CTNNA3: variants seen among roughly 807,000 people sequenced by gnomAD.
The protein encoded by CTNNA3 is catenin alpha 3.
CTNNA3 carries 76 observed loss-of-function variants against 95.7 expected under a neutral mutation model. That is an observed-to-expected ratio of 0.79 (90% CI 0.66 to 0.96). The LOEUF is 0.96. Among genes scored for constraint, CTNNA3 ranks in the 40% least tolerant of loss-of-function variants. CTNNA3 has a pLI of 0.00. For missense variants in CTNNA3, 1,191 were observed against 1,089.8 expected, an observed-to-expected ratio of 1.09 and a Z score of -1.31; for synonymous variants, 431 against 374.4, an observed-to-expected ratio of 1.15 and a Z score of -1.74.
chr10:66,077,143 G>C (rs910561704), intron 14 of CTNNA3, among the ~76,000 whole-genome samples: 8 of 151,670 alleles, frequency 5.3e-5, no homozygotes, highest in Non-Finnish European at 5.9e-5. Context: ...GGATATTCCT[G>C]CTGAAATATT....
chr10:67,315,488 T>C (rs1292841482), intron 5 of CTNNA3, among the ~76,000 whole-genome samples: 2 of 152,152 alleles, frequency 1.3e-5, no homozygotes, highest in Non-Finnish European at 2.9e-5. Context: ...ACTAAACTGA[T>C]AGGCCATCTC....
intron 10 of CTNNA3, among the ~76,000 whole-genome samples, chr10:66,591,870 T>G (rs1589462554): frequency 6.6e-6 from 1 of 152,220 alleles, no homozygotes; most frequent in East Asian, 1.9e-4. Flanking sequence ...ATCTGAACAC[T>G]ATATTTCTTT....
At chr10:66,362,861 A>G (rs2092686558) in intron 12 of CTNNA3, among the ~76,000 whole-genome samples, 1 of 152,310 alleles carries the variant, frequency 6.6e-6, no homozygotes, top group African/African-American at 2.4e-5. Flanking sequence ...TTTGCTTTTC[A>G]CATTTAATTA....
intron 15 of CTNNA3, among the ~76,000 whole-genome samples, chr10:66,040,817 A>C (rs1201132058): frequency 6.6e-6 from 1 of 152,162 alleles, no homozygotes; most frequent in African/African-American, 2.4e-5. Flanking sequence ...TGTACAACAA[A>C]TCTCCATGAC....
intron 5 of CTNNA3, among the ~76,000 whole-genome samples, chr10:67,393,721 A>G (rs1431262125): frequency 2.0e-5 from 3 of 152,188 alleles, no homozygotes; most frequent in Non-Finnish European, 4.4e-5. Context: ...CAGCCAAATT[A>G]GGGCCTTCAA....
intron 10 of CTNNA3, among the ~76,000 whole-genome samples, chr10:66,524,822 G>A (rs1021039164): frequency 2.6e-5 from 4 of 152,150 alleles, no homozygotes; most frequent in African/African-American, 4.8e-5. Context: ...GGCTAAGGCA[G>A]GCGGATCTCC....
At chr10:66,196,138 T>G (rs958146269) in intron 13 of CTNNA3, among the ~76,000 whole-genome samples, 3 of 152,146 alleles carry the variant, frequency 2.0e-5, no homozygotes, top group Non-Finnish European at 4.4e-5. Flanking sequence ...TGGAAAGATA[T>G]ACAGAGTGTA....
chr10:66,549,170 T>A (rs1465003012), intron 10 of CTNNA3, among the ~76,000 whole-genome samples: 1 of 151,662 alleles, frequency 6.6e-6, no homozygotes, highest in Non-Finnish European at 1.5e-5. Flanking sequence ...ATTTTTTGTA[T>A]TTTTTAGTAG....
rs1024440159 is a variant in CTNNA3 at position 66,143,954 on chromosome 10, TAA to T, written c.1885-40707_1885-40706del. Among the ~76,000 whole-genome samples, 8 of 152,258 alleles carry T rather than the reference TAA, an allele frequency of 5.3e-5. No individual in the cohort carries two copies. The South Asian group carries it at 1.7e-3, about 31-fold the overall frequency. Reference sequence around the variant, plus strand: ...GGCTGCTTTATTAATAACTCAATTATAAGTTTAAAATATGTCATAGTATAATC... The same window carrying T: ...GGCTGCTTTATTAATAACTCAATTATGTTTAAAATATGTCATAGTATAATC... On this transcript the variant is annotated intron_variant, in intron 13 of 17. Coordinates refer to ENST00000433211, the MANE Select transcript of CTNNA3 (RefSeq NM_013266.4).
intron 10 of CTNNA3, among the ~76,000 whole-genome samples, chr10:66,571,626 C>T (rs144821763): frequency 2.0e-4 from 31 of 152,238 alleles, no homozygotes; most frequent in African/African-American, 7.2e-4. Flanking sequence ...ATACATATGG[C>T]AGACTAATGA....
At chr10:66,913,348 AAGG>A (rs1344526684) in intron 7 of CTNNA3, among the ~76,000 whole-genome samples, 1 of 152,002 alleles carries the variant, frequency 6.6e-6, no homozygotes, top group Non-Finnish European at 1.5e-5. Flanking sequence ...ATGGATAACA[AAGG>A]AGGACAGCAT....
At chr10:65,960,920 T>C (rs548281993) in intron 17 of CTNNA3, among the ~76,000 whole-genome samples, 3 of 152,358 alleles carry the variant, frequency 2.0e-5, no homozygotes, top group South Asian at 2.1e-4. Flanking sequence ...TTAATAAATG[T>C]GATTATATCT....
chr10:66,834,669 T>C (rs1281962420), intron 7 of CTNNA3, among the ~76,000 whole-genome samples: 1 of 152,236 alleles, frequency 6.6e-6, no homozygotes, highest in Admixed American at 6.5e-5. Flanking sequence ...ATTCAAATGC[T>C]GCATTCTAAG....
At chr10:66,098,632 G>T (rs1385906966) in intron 14 of CTNNA3, 4 of 152,064 alleles carry the variant, frequency 2.6e-5, no homozygotes, top group African/African-American at 9.7e-5. Context: ...CTTTTAAAAG[G>T]TGTATTTTCA....
chr10:67,400,350 T>A (rs1452559436), intron 5 of CTNNA3, among the ~76,000 whole-genome samples: 1 of 152,252 alleles, frequency 6.6e-6, no homozygotes, highest in Non-Finnish European at 1.5e-5. Flanking sequence ...GATTTACTTT[T>A]AAATAAATGT....
chr10:67,259,763 A>G (rs1378188343), intron 5 of CTNNA3, among the ~76,000 whole-genome samples: 1 of 152,140 alleles, frequency 6.6e-6, no homozygotes, highest in Admixed American at 6.5e-5. Context: ...GCTGCAGGAT[A>G]CCAGGTGACC....
chr10:67,348,367 A>G (rs1366878242), intron 5 of CTNNA3, among the ~76,000 whole-genome samples: 1 of 152,216 alleles, frequency 6.6e-6, no homozygotes, highest in Non-Finnish European at 1.5e-5. Context: ...CGCAACCTAC[A>G]GAATAGGAAA....
At chr10:66,740,271 C>G (rs1450949675) in intron 9 of CTNNA3, among the ~76,000 whole-genome samples, 2 of 152,126 alleles carry the variant, frequency 1.3e-5, no homozygotes, top group African/African-American at 4.8e-5. Context: ...AGAAATTAGG[C>G]TGGGGCTATT....
chr10:67,630,289 C>G (rs758496977), intron 2 of CTNNA3, among the ~76,000 whole-genome samples: 3 of 152,192 alleles, frequency 2.0e-5, no homozygotes, highest in Non-Finnish European at 4.4e-5. Flanking sequence ...ACATAACTTG[C>G]TTTGACAAAA....
Sources: allele counts gnomAD v4.1 joint callset (sites outside exome capture counted in the v4.1 genomes callset), GRCh38; gene constraint gnomAD v4.1.1; transcripts MANE v1.5; gene names NCBI Gene and HGNC (gene_info 2026-07-23, HGNC 2026-07-21).